Variants in PSMB7 observed in about 807,000 individuals in gnomAD.
PSMB7 encodes proteasome subunit beta type-7.
A neutral mutation model predicts 28.1 loss-of-function variants in PSMB7; 5 were observed. That is an observed-to-expected ratio of 0.18 (90% CI 0.09 to 0.37). PSMB7 has a LOEUF of 0.37. Ranked by LOEUF, PSMB7 falls within the 10% of genes least tolerant of loss-of-function variation. The pLI, the probability that PSMB7 is intolerant of heterozygous loss-of-function variation, is 1.00. For missense variants in PSMB7, 275 were observed against 346.2 expected, an observed-to-expected ratio of 0.79 and a Z score of 1.63; for synonymous variants, 122 against 123.7, an observed-to-expected ratio of 0.99 and a Z score of 0.09.
rs1049162370 is a variant in PSMB7, at chr9:124,359,026, A to T, written c.571-2111T>A. Among the ~76,000 whole-genome samples, 5 of 152,380 alleles carry T rather than the reference A, an allele frequency of 3.3e-5. No individual in the cohort carries two copies. In the South Asian group the frequency reaches 1.0e-3, roughly 32 times the overall value. ...AGCAGACTGCTGACAGTGCTATGTA[A>T]GATTATGAGTGATCCTCCCTCTATT... On this transcript the variant is annotated intron_variant, in intron 6 of 7. Transcript: ENST00000259457.
At chr9:124,370,116 G>A (rs370056691) in intron 6 of PSMB7, among the ~76,000 whole-genome samples, 1 of 152,156 alleles carries the variant, frequency 6.6e-6, no homozygotes, top group African/African-American at 2.4e-5. Context: ...GGCAACTCCA[G>A]TGGCAACACA....
intron 4 of PSMB7, among the ~76,000 whole-genome samples, chr9:124,408,297 G>T (rs1045260157): frequency 3.3e-5 from 5 of 152,172 alleles, no homozygotes; most frequent in African/African-American, 1.2e-4. Context: ...TGTTAAATGT[G>T]CAAAACTAAA....
intron 3 of PSMB7, among the ~76,000 whole-genome samples, chr9:124,412,923 A>G (rs1362330083): frequency 6.6e-6 from 1 of 152,204 alleles, no homozygotes; most frequent in African/African-American, 2.4e-5. Context: ...GATACACAAG[A>G]AGACAAAAAT....
At chr9:124,379,126 T>C (rs1830639767) in intron 6 of PSMB7, among the ~76,000 whole-genome samples, 2 of 152,236 alleles carry the variant, frequency 1.3e-5, no homozygotes, top group Admixed American at 1.3e-4. Flanking sequence ...ATTGGTACAG[T>C]GTCTGAATAA....
rs16927419 is a variant in PSMB7, at chr9:124,388,148, A to C, written c.512-3492T>G. ...AAGCTGGCACTCTCTTCATACACAAAACCAAGGCGAAAATCTTTTGAAGGA... is the reference window on the plus strand; with the variant it reads ...AAGCTGGCACTCTCTTCATACACAACACCAAGGCGAAAATCTTTTGAAGGA... On this transcript the variant is annotated intron_variant, in intron 5 of 7. Coordinates refer to ENST00000259457, the MANE Select transcript of PSMB7 (RefSeq NM_002799.4). Among the ~76,000 whole-genome samples, 1,096 of 152,334 alleles carry C rather than the reference A, an allele frequency of 7.2e-3. 15 individuals are homozygous for C. Among genetic ancestry groups the C allele is most frequent in the African/African-American group, 0.025 (1,045 of 41,582 alleles).
At chr9:124,354,851 C>A (rs1324817559) in intron 7 of PSMB7, among the ~76,000 whole-genome samples, 1 of 152,200 alleles carries the variant, frequency 6.6e-6, no homozygotes, top group African/African-American at 2.4e-5. Context: ...TCAGTGTCTC[C>A]GGGAGGCTTG....
rs186010073 is a variant in PSMB7 at position 124,359,384 on chromosome 9, A to G, written c.571-2469T>C. ...GCTCACTAAAACAATCAATCAATCAACATCTACCAGCACTCTAACGTGCCA... is the reference window on the plus strand; with the variant it reads ...GCTCACTAAAACAATCAATCAATCAGCATCTACCAGCACTCTAACGTGCCA... On this transcript the variant is annotated intron_variant, in intron 6 of 7. Coordinates refer to ENST00000259457, the MANE Select transcript of PSMB7 (RefSeq NM_002799.4). Among the ~76,000 whole-genome samples the G allele has an allele frequency of 1.8e-3, 267 of 152,320 alleles. 1 individual carries two copies. Among genetic ancestry groups the G allele is most frequent in the African/African-American group, 6.1e-3 (255 of 41,570 alleles).
At chr9:124,386,133 A>AT (rs1223794549) in intron 5 of PSMB7, among the ~76,000 whole-genome samples, 1 of 150,250 alleles carries the variant, frequency 6.7e-6, no homozygotes, top group East Asian at 1.9e-4. Flanking sequence ...CCTCCTCACA[A>AT]TTTTTTTCTC....
chr9:124,413,244 G>C (rs1301783416), intron 3 of PSMB7, among the ~76,000 whole-genome samples: 1 of 149,144 alleles, frequency 6.7e-6, no homozygotes, highest in Non-Finnish European at 1.5e-5. Context: ...TCTACAAGCA[G>C]AGAAGGCAGA....
At chr9:124,395,334 G>T (rs1042019640) in intron 5 of PSMB7, among the ~76,000 whole-genome samples, 6 of 149,756 alleles carry the variant, frequency 4.0e-5, no homozygotes, top group Non-Finnish European at 7.4e-5. Flanking sequence ...AAAAAAGAAA[G>T]AAATTAAAAA....
intron 6 of PSMB7, among the ~76,000 whole-genome samples, chr9:124,370,361 G>GA (rs35515597): frequency 0.081 from 11,455 of 141,550 alleles, 977 homozygotes; most frequent in East Asian, 0.46. Flanking sequence ...GGCTGTCATG[G>GA]AAAAAAAAAA....
chr9:124,412,595 G>T, intron 3 of PSMB7, 103 bp from the exon 4 acceptor site: 1 of 1,236,738 alleles, frequency 8.1e-7, no homozygotes, highest in Non-Finnish European at 1.1e-6. Flanking sequence ...GGTACAGAGA[G>T]ATGTTTTTGA....
In PSMB7 at chr9:124,356,727, C is replaced by T. The variant is rs1268368145; in HGVS notation, c.722+37G>A. On this transcript the variant is annotated intron_variant, in intron 7 of 7. Transcript: ENST00000259457. This position sits in a 1 kb window ranked among gnomAD's most constrained non-coding sequence, Gnocchi z 4.4. ...GAGATACCAAGGGTGGCCACGACGC[C>T]AGGGGACCCAGGAAGAACTTCGTCT... 2 of 1,595,212 alleles carry T rather than the reference C, an allele frequency of 1.3e-6. No individual in the cohort carries two copies. Among genetic ancestry groups the T allele is most frequent in the South Asian group, 1.1e-5 (1 of 89,670 alleles).
At chr9:124,382,357 G>A (rs1172818822) in intron 6 of PSMB7, among the ~76,000 whole-genome samples, 1 of 151,006 alleles carries the variant, frequency 6.6e-6, no homozygotes, top group Non-Finnish European at 1.5e-5. Context: ...ACAGGCGCCC[G>A]GTACCACGTC....
chr9:124,392,852 A>C (rs1830802765), intron 5 of PSMB7, among the ~76,000 whole-genome samples: 1 of 152,192 alleles, frequency 6.6e-6, no homozygotes, highest in Non-Finnish European at 1.5e-5. Flanking sequence ...GGTCCATTTT[A>C]AGCAGCCAAG....
At position 124,364,856 on chromosome 9, in the gene PSMB7, G is replaced by C. The variant is rs114696557; in HGVS notation, c.571-7941C>G. 2.8e-3 allele frequency among the ~76,000 whole-genome samples: 431 copies of C among 152,306 alleles called. 2 individuals are homozygous for C. The highest frequency in any genetic ancestry group is 0.01 in the African/African-American group (416 of 41,562). On this transcript the variant is annotated intron_variant, in intron 6 of 7. Coordinates refer to ENST00000259457, the MANE Select transcript of PSMB7 (RefSeq NM_002799.4). ...GAAGCAGAGACTGAAATCAGGGTCT[G>C]AGACCAGCAGAAGAGCCGCGTTCCC... is the stretch of plus-strand genomic sequence containing the variant.
chr9:124,359,212 C>T (rs1830445386), intron 6 of PSMB7, among the ~76,000 whole-genome samples: 1 of 152,118 alleles, frequency 6.6e-6, no homozygotes, highest in Non-Finnish European at 1.5e-5. Context: ...CCTTTCCTCC[C>T]CACCAATTCT....
chr9:124,391,055 G>A (rs1248222654), intron 5 of PSMB7, among the ~76,000 whole-genome samples: 2 of 152,208 alleles, frequency 1.3e-5, no homozygotes, highest in African/African-American at 2.4e-5. Flanking sequence ...GTTTCAGCAT[G>A]GGGCTAGACC....
intron 4 of PSMB7, among the ~76,000 whole-genome samples, chr9:124,408,171 GAA>G (rs1381350577): frequency 2.0e-5 from 3 of 152,140 alleles, no homozygotes; most frequent in African/African-American, 7.2e-5. Flanking sequence ...CTGGGCAACA[GAA>G]AGAGACCCTA....
Sources: gnomAD v4.1 joint callset for allele counts (sites outside exome capture counted in the v4.1 genomes callset) on GRCh38, gnomAD v4.1.1 for gene constraint, Gnocchi (gnomAD v3.1) non-coding constraint, MANE v1.5 for transcripts, NCBI Gene and HGNC (gene_info 2026-07-23, HGNC 2026-07-21) for gene names.